Variants in PTPRC observed in about 807,000 individuals in gnomAD.
PTPRC encodes receptor-type tyrosine-protein phosphatase C.
PTPRC carries 44 observed loss-of-function variants against 155.9 expected under a neutral mutation model. The observed-to-expected ratio is 0.28, with a 90% CI of 0.22 to 0.36. The LOEUF (loss-of-function observed/expected upper bound fraction) is 0.36. PTPRC is among the 10% of genes least tolerant of loss of function. PTPRC has a pLI of 1.00. For synonymous variants in PTPRC, 525 were observed against 533.1 expected (o/e 0.98, Z 0.21); for missense variants, 1,401 against 1,564.6 (o/e 0.90, Z 1.76).
chr1:198,732,510 T>C lies in PTPRC; in HGVS notation c.2096T>C (p.Ile699Thr). 1 of 1,611,302 alleles carries C rather than the reference T, an allele frequency of 6.2e-7. No individual in the cohort carries two copies. Among genetic ancestry groups the C allele is most frequent in the Non-Finnish European group, 8.5e-7 (1 of 1,178,582 alleles). Residue 699 changes from isoleucine to threonine, a missense_variant, in exon 20 of 33, where the codon ATA (isoleucine) becomes ACA (threonine). Physicochemically the swap from Ile to Thr is moderately conservative, Grantham distance 89. This residue lies in a region of PTPRC where 867 missense variants were observed against 970.4 expected (regional missense o/e 0.89). Transcript: ENST00000442510. The stretch of plus-strand genomic sequence containing the variant: ...TATAACCGTGTTGAACTCTCTGAGA[T>C]AAACGGAGATGCAGGGTCAAACTAC... ...YDYNRVELSE[I>T]NGDAGSNYIN... is the part of the protein sequence containing the mutation.
At chr1:198,671,574 T>C (rs899793743) in intron 2 of PTPRC, among the ~76,000 whole-genome samples, 1 of 152,270 alleles carries the variant, frequency 6.6e-6, no homozygotes, top group Admixed American at 6.5e-5. Flanking sequence ...TTGTGACTTC[T>C]ACATCTATAG....
intron 2 of PTPRC, among the ~76,000 whole-genome samples, chr1:198,658,394 T>G (rs1181625931): frequency 6.6e-6 from 1 of 152,178 alleles, no homozygotes; most frequent in Non-Finnish European, 1.5e-5. Flanking sequence ...TTATGTTGCT[T>G]TCTTATACAA....
At chr1:198,647,165 C>T (rs1020209537) in intron 2 of PTPRC, among the ~76,000 whole-genome samples, 2 of 151,802 alleles carry the variant, frequency 1.3e-5, no homozygotes, top group Non-Finnish European at 2.9e-5. Flanking sequence ...CTAGACAGCC[C>T]CTATCCCACT....
chr1:198,728,271 G>A, intron 15 of PTPRC, 69 bp from the exon 16 acceptor site: 1 of 1,181,774 alleles, frequency 8.5e-7, no homozygotes, highest in South Asian at 1.3e-5. Flanking sequence ...TACTTTGGAG[G>A]TGATTATTCA....
At chr1:198,719,692 C>A (rs1653786646) in intron 14 of PTPRC, among the ~76,000 whole-genome samples, 2 of 151,884 alleles carry the variant, frequency 1.3e-5, no homozygotes, top group African/African-American at 2.4e-5. Flanking sequence ...CTCACTGCAA[C>A]CTCCGCCTCC....
intron 15 of PTPRC, among the ~76,000 whole-genome samples, chr1:198,723,690 T>C (rs2102461016): frequency 6.6e-6 from 1 of 152,314 alleles, no homozygotes; most frequent in East Asian, 1.9e-4. Flanking sequence ...ACATTTCACC[T>C]GGAAAGACAC....
intron 15 of PTPRC, 111 bp from the exon 16 acceptor site, chr1:198,728,229 T>A: frequency 2.5e-6 from 2 of 801,990 alleles, no homozygotes; most frequent in Non-Finnish European, 3.8e-6. Flanking sequence ...TTTTAAAACC[T>A]CACAATAAAT....
chr1:198,706,602 G>A (rs561490372), intron 8 of PTPRC, 132 bp from the exon 9 acceptor site: 8 of 887,112 alleles, frequency 9.0e-6, no homozygotes, highest in South Asian at 8.6e-5. Flanking sequence ...TGATATGGAG[G>A]CACCTAATGT....
chr1:198,656,577 G>T (rs999611549), intron 2 of PTPRC, among the ~76,000 whole-genome samples: 5 of 151,898 alleles, frequency 3.3e-5, no homozygotes, highest in Non-Finnish European at 7.4e-5. Flanking sequence ...AGCTTGCCTG[G>T]CAATCAGTGC....
chr1:198,716,688 A>G lies in PTPRC; in HGVS notation c.1298A>G (p.Asp433Gly). 6.2e-7 allele frequency: 1 copy of G among 1,611,610 alleles called. No homozygotes were observed. Among genetic ancestry groups the G allele is most frequent in the Non-Finnish European group, 8.5e-7 (1 of 1,179,532 alleles). The change falls in exon 13 of 33, where the codon GAT (aspartate) becomes GGT (glycine). Residue 433 changes from aspartate (D) to glycine (G), a missense_variant. Asp to Gly is a moderately conservative substitution (Grantham distance 94, BLOSUM62 -1). Around this residue, in one of 3 missense-constraint regions of PTPRC, gnomAD observed 867 missense variants for 970.4 expected, o/e 0.89. Coordinates refer to ENST00000442510, the MANE Select transcript of PTPRC (RefSeq NM_002838.5). ...TTTTCACATTTTTCCTCAGAAAAAG[A>G]TTGCCTCAATCTGGATAAAAACCTG... is the stretch of plus-strand genomic sequence containing the variant. ...TLCYIKETEK[D>G]CLNLDKNLIK...
intron 26 of PTPRC, among the ~76,000 whole-genome samples, chr1:198,745,729 GTT>G (rs1405893778): frequency 2.0e-5 from 3 of 151,744 alleles, no homozygotes; most frequent in Non-Finnish European, 4.4e-5. Context: ...ACCTATCTAG[GTT>G]TTGAAAAGTG....
At chr1:198,709,966 A>C (rs1653208503) in intron 11 of PTPRC, 142 bp downstream of exon 11, 1 of 1,148,716 alleles carries the variant, frequency 8.7e-7, no homozygotes. Flanking sequence ...AATGAAGCGC[A>C]ATTTATCTAT....
chr1:198,705,429 TTTC>T (rs1652896571), intron 8 of PTPRC, among the ~76,000 whole-genome samples: 2 of 150,514 alleles, frequency 1.3e-5, no homozygotes, highest in African/African-American at 4.9e-5. Context: ...TAGTTCTTTC[TTTC>T]TTTTTTTTTT....
At chr1:198,700,345 C>T (rs1050538019) in intron 5 of PTPRC, among the ~76,000 whole-genome samples, 4 of 152,026 alleles carry the variant, frequency 2.6e-5, no homozygotes, top group African/African-American at 9.7e-5. Flanking sequence ...CACACAGTCT[C>T]GTATATAATT....
chr1:198,661,945 A>T (rs1663992633), intron 2 of PTPRC, among the ~76,000 whole-genome samples: 1 of 152,100 alleles, frequency 6.6e-6, no homozygotes, highest in African/African-American at 2.4e-5. Context: ...TTTCAATTTC[A>T]TTTATAATGT....
intron 15 of PTPRC, among the ~76,000 whole-genome samples, chr1:198,725,610 C>A (rs10919561): frequency 6.6e-6 from 1 of 152,144 alleles, no homozygotes; most frequent in Non-Finnish European, 1.5e-5. Context: ...CTCATCCCTT[C>A]CCTGTACTGA....
At chr1:198,737,504 A>G (rs1305479724) in intron 23 of PTPRC, among the ~76,000 whole-genome samples, 1 of 150,858 alleles carries the variant, frequency 6.6e-6, no homozygotes, top group Admixed American at 6.6e-5. Context: ...TCCACTGTAG[A>G]GTTGTTTCAT....
At chr1:198,666,089 A>G (rs973425002) in intron 2 of PTPRC, among the ~76,000 whole-genome samples, 2 of 151,868 alleles carry the variant, frequency 1.3e-5, no homozygotes, top group Non-Finnish European at 1.5e-5. Flanking sequence ...AAAATACAAA[A>G]ATTAGCTGGG....
intron 2 of PTPRC, among the ~76,000 whole-genome samples, chr1:198,648,850 C>G (rs1663080681): frequency 1.3e-5 from 2 of 151,672 alleles, no homozygotes; most frequent in Admixed American, 1.3e-4. Context: ...TGGATTTTCC[C>G]CCACCCAACT....
Sources: gnomAD v4.1 joint callset for allele counts (sites outside exome capture counted in the v4.1 genomes callset) on GRCh38, gnomAD v4.1.1 for gene constraint, gnomAD v4.1.1 regional missense constraint, MANE v1.5 for transcripts, NCBI Gene and HGNC (gene_info 2026-07-23, HGNC 2026-07-21) for gene names.